RFPL1: variants seen among roughly 807,000 people sequenced by gnomAD.
The protein encoded by RFPL1 is ret finger protein-like 1.
A neutral mutation model predicts 9.6 loss-of-function variants in RFPL1; 6 were observed. That is an observed-to-expected ratio of 0.62 (90% confidence interval 0.34 to 1.23). RFPL1 has a LOEUF of 1.23. RFPL1 is among the 50% of genes most tolerant of loss of function. The probability of loss-of-function intolerance (pLI) is 0.03; values close to 1 mark genes in which losing one functional copy is unlikely to be tolerated. For synonymous variants in RFPL1, 145 were observed against 149.4 expected (o/e 0.97, Z 0.22); for missense variants, 352 against 398.4 (o/e 0.88, Z 0.99).
Position 29,438,897 on chromosome 22 carries a change from G to A in RFPL1, c.106G>A (p.Glu36Lys), listed in dbSNP as rs1256420207. The A allele has an allele frequency of 1.8e-5, 29 of 1,613,998 alleles. No homozygotes were observed. The highest frequency in any genetic ancestry group is 1.3e-4 in the South Asian group (12 of 91,082). The change falls in exon 1 of 2, where the codon GAA (glutamate) becomes AAA (lysine). Residue 36 changes from glutamate (E) to lysine (K), a missense_variant. By Grantham distance (56) the Glu-to-Lys change is moderately conservative (BLOSUM62 1). Transcript: ENST00000354373. ...AGTGGACATGGCTGCACTCTTCCAA[G>A]AAGCAAGCAGCTGTCCCGTCTGCTC... is the stretch of plus-strand genomic sequence containing the variant.
chr22:29,394,550 T>C, the RFPL1 span, among the ~76,000 whole-genome samples: 1 of 152,002 alleles, frequency 6.6e-6, no homozygotes, highest in African/African-American at 2.4e-5. Flanking sequence ...CCATGTTGGC[T>C]AGGCTGGTCT....
chr22:29,392,322 C>T, the RFPL1 span, among the ~76,000 whole-genome samples: 6 of 149,498 alleles, frequency 4.0e-5, no homozygotes, highest in African/African-American at 1.2e-4. Flanking sequence ...TCAGGTGATC[C>T]GCCCGCCTTG....
chr22:29,426,689 G>A, the RFPL1 span, among the ~76,000 whole-genome samples: 37 of 152,182 alleles, frequency 2.4e-4, no homozygotes, highest in Non-Finnish European at 4.4e-4. Flanking sequence ...CGGAGATTGC[G>A]GTGAGCAGAG....
the RFPL1 span, among the ~76,000 whole-genome samples, chr22:29,432,448 A>G: frequency 2.0e-5 from 3 of 152,250 alleles, no homozygotes; most frequent in South Asian, 6.2e-4. Context: ...AGATTGCTTC[A>G]GCTCAATTCC....
the RFPL1 span, among the ~76,000 whole-genome samples, chr22:29,426,791 G>T: frequency 6.6e-6 from 1 of 152,118 alleles, no homozygotes; most frequent in South Asian, 2.1e-4. Flanking sequence ...AACATTAGCT[G>T]TATTATCCTC....
At chr22:29,442,050 T>A (rs773201235) in exon 2 of RFPL1, 1 of 1,613,244 alleles carries the variant, frequency 6.2e-7, no homozygotes, top group African/African-American at 1.3e-5. Context: ...GTGATAAGAG[T>A]GTCTTGAGTA....
At chr22:29,413,417 G>A in the RFPL1 span, among the ~76,000 whole-genome samples, 8 of 152,196 alleles carry the variant, frequency 5.3e-5, no homozygotes, top group African/African-American at 1.7e-4. Context: ...GATAAATCAA[G>A]TATATAATTT....
chr22:29,435,295 T>G (rs1911130370), upstream of RFPL1, among the ~76,000 whole-genome samples: 1 of 152,262 alleles, frequency 6.6e-6, no homozygotes, highest in Non-Finnish European at 1.5e-5. Context: ...ACCGTGCTGC[T>G]GTCTCATTGA....
At chr22:29,427,452 C>T in the RFPL1 span, among the ~76,000 whole-genome samples, 18 of 152,176 alleles carry the variant, frequency 1.2e-4, no homozygotes, top group African/African-American at 2.7e-4. Flanking sequence ...CACCTGGCCC[C>T]GATTCCTAAC....
At chr22:29,441,027 A>C (rs2062836181) in intron 1 of RFPL1, 1 of 155,384 alleles carries the variant, frequency 6.4e-6, no homozygotes, top group Non-Finnish European at 1.4e-5. Context: ...CAGGACCGGC[A>C]CCTCTGTCAT....
At chr22:29,392,673 A>C in the RFPL1 span, among the ~76,000 whole-genome samples, 1 of 152,090 alleles carries the variant, frequency 6.6e-6, no homozygotes, top group African/African-American at 2.4e-5. Context: ...GCCAACACAC[A>C]CGGCCAAGTA....
chr22:29,412,208 G>A, the RFPL1 span, among the ~76,000 whole-genome samples: 1 of 152,166 alleles, frequency 6.6e-6, no homozygotes, highest in Non-Finnish European at 1.5e-5. Context: ...GGTCAGGCCA[G>A]ACACAGAGAG....
chr22:29,428,309 G>T, the RFPL1 span, among the ~76,000 whole-genome samples: 1 of 152,086 alleles, frequency 6.6e-6, no homozygotes, highest in African/African-American at 2.4e-5. Context: ...AGCAGCAAGA[G>T]GATATAACAA....
chr22:29,434,262 G>A (rs187789349), upstream of RFPL1, among the ~76,000 whole-genome samples: 108 of 152,154 alleles, frequency 7.1e-4, no homozygotes, highest in Middle Eastern at 6.3e-3. Flanking sequence ...CAACAGACAT[G>A]GTTTCTGCCT....
chr22:29,395,970 C>T, the RFPL1 span, among the ~76,000 whole-genome samples: 2 of 145,806 alleles, frequency 1.4e-5, no homozygotes, highest in Admixed American at 7.0e-5. Flanking sequence ...GAGACTCTGT[C>T]GAAAAGAGAA....
intron 1 of RFPL1, chr22:29,441,264 A>C (rs1285153772): frequency 2.2e-6 from 1 of 456,980 alleles, no homozygotes; most frequent in Non-Finnish European, 3.9e-6. Context: ...GTCTGCCTTC[A>C]GAGACCCTCC....
At chr22:29,417,105 C>G in the RFPL1 span, among the ~76,000 whole-genome samples, 8 of 152,094 alleles carry the variant, frequency 5.3e-5, no homozygotes, top group Admixed American at 4.6e-4. Context: ...TATGTGTCAC[C>G]TTGGAAGATG....
the RFPL1 span, among the ~76,000 whole-genome samples, chr22:29,427,556 A>T: frequency 6.6e-6 from 1 of 152,180 alleles, no homozygotes; most frequent in African/African-American, 2.4e-5. Flanking sequence ...ACTAGAGATG[A>T]TTCAACAGCT....
At chr22:29,404,654 A>G in the RFPL1 span, among the ~76,000 whole-genome samples, 3 of 152,228 alleles carry the variant, frequency 2.0e-5, no homozygotes, top group Non-Finnish European at 4.4e-5. Flanking sequence ...AGTTTATTAA[A>G]GTAGTTAAGC....
Sources: allele counts gnomAD v4.1 joint callset (sites outside exome capture counted in the v4.1 genomes callset), GRCh38; gene constraint gnomAD v4.1.1; transcripts MANE v1.5; gene names NCBI Gene and HGNC (gene_info 2026-07-23, HGNC 2026-07-21).